PCDHGA2: variants seen among roughly 807,000 people sequenced by gnomAD.
PCDHGA2 encodes protocadherin gamma-A2.
Under a neutral mutation model 59.2 loss-of-function variants are expected in PCDHGA2, and 40 were observed. The ratio of observed to expected loss-of-function variants is 0.68; its 90% confidence interval spans 0.52 to 0.88. The LOEUF (loss-of-function observed/expected upper bound fraction) is 0.88, where lower values mean the gene tolerates loss of function less well. Ranked by LOEUF, PCDHGA2 falls within the 40% of genes least tolerant of loss-of-function variation. The pLI is 0.00. For synonymous variants in PCDHGA2, 560 were observed against 526.0 expected, an observed-to-expected ratio of 1.06 and a Z score of -0.89; for missense variants, 1,226 against 1,204.0, an observed-to-expected ratio of 1.02 and a Z score of -0.27.
chr5:141,456,324 G>T (rs757059960), intron 1 of PCDHGA2, among the ~76,000 whole-genome samples: 15 of 152,166 alleles, frequency 9.9e-5, no homozygotes, highest in Non-Finnish European at 2.9e-5. Context: ...TCCTCCTGGG[G>T]TTGATCTAAG....
chr5:141,374,304 T>C lies in PCDHGA2; in HGVS notation c.2424+32909T>C, dbSNP rs748378038. On this transcript the variant is annotated intron_variant, in intron 1 of 3. Coordinates refer to ENST00000394576, the MANE Select transcript of PCDHGA2 (RefSeq NM_018915.4). ...ATCGTCTCCAGAGGTAGGATGCAGC[T>C]TTTCTCTCTGAATCCGCGAAACGGC... 3.7e-6 allele frequency: 6 copies of C among 1,613,950 alleles called. No homozygotes were observed. The highest frequency in any genetic ancestry group is 1.7e-4 in the Middle Eastern group (1 of 6,058).
At chr5:141,363,465 C>T (rs1176309581) in intron 1 of PCDHGA2, among the ~76,000 whole-genome samples, 1 of 152,220 alleles carries the variant, frequency 6.6e-6, no homozygotes, top group Non-Finnish European at 1.5e-5. Flanking sequence ...CAAGTATCTG[C>T]TCATGCTTTC....
intron 2 of PCDHGA2, among the ~76,000 whole-genome samples, chr5:141,497,552 T>C (rs2099777669): frequency 6.6e-6 from 1 of 151,386 alleles, no homozygotes; most frequent in Non-Finnish European, 1.5e-5. Context: ...TTTTTTTTTT[T>C]TTTTTTAGAC....
rs902790467 is a variant in PCDHGA2 at position 141,395,519 on chromosome 5, C to A, written c.2424+54124C>A. 1.5e-5 allele frequency: 6 copies of A among 409,366 alleles called. 1 individual carries two copies. The highest frequency in any genetic ancestry group is 1.3e-4 in the African/African-American group (6 of 47,696). The allele number at this position is 409,366 out of a possible 1,614,324, so 25.4% of individuals were successfully genotyped here. On this transcript the variant is annotated intron_variant, in intron 1 of 3. Transcript: ENST00000394576. ...TTCACTTAAGAAGTAGCTACCCGTC[C>A]ATACTGGTAATTTTGCTATTGTTTG...
intron 2 of PCDHGA2, among the ~76,000 whole-genome samples, chr5:141,504,788 TC>T (rs1235410120): frequency 6.6e-6 from 1 of 152,070 alleles, no homozygotes; most frequent in Non-Finnish European, 1.5e-5. Context: ...TCTTGGGGCC[TC>T]CTACATCTCC....
At position 141,432,289 on chromosome 5, in the gene PCDHGA2, C is replaced by A. The variant is rs762278053; in HGVS notation, c.2425-62518C>A. 2 of 1,614,148 alleles carry A rather than the reference C, an allele frequency of 1.2e-6. No individual in the cohort carries two copies. Among genetic ancestry groups the A allele is most frequent in the African/African-American group, 2.7e-5 (2 of 74,952 alleles). On this transcript the variant is annotated intron_variant, in intron 1 of 3. Coordinates refer to ENST00000394576, the MANE Select transcript of PCDHGA2 (RefSeq NM_018915.4). The surrounding 1 kb of genome is among the most constrained non-coding windows in gnomAD (Gnocchi z 6.0). ...CGTCCTACGTGTCCATCAACTCCGA[C>A]ACTGGGGTACTGTATGCGCTGAGCT...
chr5:141,356,903 C>T, intron 1 of PCDHGA2: 1 of 1,614,244 alleles, frequency 6.2e-7, no homozygotes, highest in Non-Finnish European at 8.5e-7. Flanking sequence ...CCCACCTTCC[C>T]TACTGATGGC....
intron 1 of PCDHGA2, chr5:141,422,676 A>G (rs1245488589): frequency 1.2e-6 from 2 of 1,606,500 alleles, no homozygotes; most frequent in East Asian, 4.5e-5. Flanking sequence ...CGGACAGCAA[A>G]CAGAATGCCC....
At chr5:141,341,707 A>G in intron 1 of PCDHGA2, 2 of 494,806 alleles carry the variant, frequency 4.0e-6, no homozygotes, top group South Asian at 3.5e-5. Flanking sequence ...AAATCATCTC[A>G]TCCACCCAGA....
At chr5:141,506,237 T>G (rs558256375) in intron 3 of PCDHGA2, among the ~76,000 whole-genome samples, 1 of 152,014 alleles carries the variant, frequency 6.6e-6, no homozygotes, top group South Asian at 2.1e-4. Flanking sequence ...GATCATGAGG[T>G]CAGGAGTTCG....
intron 1 of PCDHGA2, among the ~76,000 whole-genome samples, chr5:141,472,913 G>A (rs1049221725): frequency 2.0e-5 from 3 of 147,764 alleles, no homozygotes; most frequent in African/African-American, 2.5e-5. Context: ...TTGAACCCAA[G>A]AGGAGGAGGT....
In PCDHGA2 at chr5:141,346,554, G is replaced by A. The variant is rs773661816; in HGVS notation, c.2424+5159G>A. On this transcript the variant is annotated intron_variant, in intron 1 of 3. Coordinates refer to ENST00000394576, the MANE Select transcript of PCDHGA2 (RefSeq NM_018915.4). ...ATGTATTTGAGAAATAAAGCCATGA[G>A]GTTGTCATTAGTCCTTTGACTAAAT... is the stretch of plus-strand genomic sequence containing the variant. The A allele has an allele frequency of 5.3e-6, 8 of 1,507,182 alleles. No individual in the cohort carries two copies. In the Admixed American group the frequency reaches 8.2e-5, roughly 15 times the overall value. The allele number at this position is 1,507,182 out of a possible 1,614,324, so 93.4% of individuals were successfully genotyped here.
rs767107885 is a variant in PCDHGA2, at chr5:141,423,138, C to T, written c.2425-71669C>T. ...CAGCGCGGGCACTGCTGGACAGAGA[C>T]GCGCTCAAGCAGAGCCTCGTGGTGG... On this transcript the variant is annotated intron_variant, in intron 1 of 3. Transcript: ENST00000394576. 2.5e-6 allele frequency: 4 copies of T among 1,613,606 alleles called. 1 individual carries two copies. The highest frequency in any genetic ancestry group is 3.4e-6 in the Non-Finnish European group (4 of 1,179,912).
chr5:141,395,548 G>T (rs869036595), intron 1 of PCDHGA2: 6 of 21,284 alleles, frequency 2.8e-4, no homozygotes, highest in African/African-American at 1.1e-3. Context: ...TTGTTTGTGT[G>T]TGTGTGTGTG....
chr5:141,392,615 C>A (rs2092564205), intron 1 of PCDHGA2: 1 of 536,798 alleles, frequency 1.9e-6, no homozygotes, highest in Non-Finnish European at 3.2e-6. Context: ...CAAATGCAAC[C>A]GAAAACACTC....
chr5:141,372,789 A>G (rs1769071536), intron 1 of PCDHGA2: 2 of 1,601,162 alleles, frequency 1.2e-6, no homozygotes, highest in Non-Finnish European at 8.5e-7. Flanking sequence ...AATGCCTTCT[A>G]ATTCAGGCAA....
Position 141,384,108 on chromosome 5 carries a change from AT to A in PCDHGA2, c.2424+42715del. 1.9e-6 allele frequency: 3 copies of A among 1,603,570 alleles called. No individual in the cohort carries two copies. In the East Asian group the frequency reaches 6.8e-5, roughly 36 times the overall value. Reference sequence around the variant, plus strand: ...AAAAATCAATAGATAATTATTATAGATTGGTCACAACCAAAAACTTGGACCG... The same window carrying A: ...AAAAATCAATAGATAATTATTATAGATGGTCACAACCAAAAACTTGGACCG... On this transcript the variant is annotated intron_variant, in intron 1 of 3. Transcript: ENST00000394576.
chr5:141,418,351 G>A, intron 1 of PCDHGA2: 1 of 1,614,026 alleles, frequency 6.2e-7, no homozygotes, highest in Non-Finnish European at 8.5e-7. Flanking sequence ...ATATTAGTAT[G>A]AATTCGCTGA....
chr5:141,418,125 G>C, intron 1 of PCDHGA2: 1 of 1,614,086 alleles, frequency 6.2e-7, no homozygotes. Flanking sequence ...GTGAAGGACC[G>C]AATAGACCGT....
Sources: allele counts gnomAD v4.1 joint callset (sites outside exome capture counted in the v4.1 genomes callset), GRCh38; gene constraint gnomAD v4.1.1; non-coding constraint Gnocchi (gnomAD v3.1); transcripts MANE v1.5; gene names NCBI Gene and HGNC (gene_info 2026-07-23, HGNC 2026-07-21).